The following JAM2 variants were observed in gnomAD, a reference collection of about 807,000 sequenced individuals.
The protein encoded by JAM2 is junctional adhesion molecule B.
In JAM2, 17 loss-of-function variants were observed where a neutral mutation model predicts 42.0. The ratio of observed to expected loss-of-function variants is 0.40; its 90% CI spans 0.28 to 0.61. The LOEUF (loss-of-function observed/expected upper bound fraction) is 0.61, where lower values mean the gene tolerates loss of function less well. Ranked by LOEUF, JAM2 falls within the 20% of genes least tolerant of loss-of-function variation. The pLI, the probability that JAM2 is intolerant of heterozygous loss-of-function variation, is 0.37. For missense variants in JAM2, 319 were observed against 358.3 expected, an observed-to-expected ratio of 0.89 and a Z score of 0.89; for synonymous variants, 118 against 128.6, an observed-to-expected ratio of 0.92 and a Z score of 0.56.
intron 1 of JAM2, among the ~76,000 whole-genome samples, chr21:25,678,895 G>A (rs1003659291): frequency 6.6e-6 from 1 of 152,178 alleles, no homozygotes; most frequent in Admixed American, 6.5e-5. Context: ...AAACGCCTGT[G>A]CTCAAGTGAT....
intron 2 of JAM2, among the ~76,000 whole-genome samples, chr21:25,686,172 T>C (rs2033747731): frequency 6.6e-6 from 1 of 152,222 alleles, no homozygotes. Context: ...TTTTAATGCA[T>C]GTTTTATTTT....
chr21:25,661,508 C>T (rs2033088607), intron 1 of JAM2, among the ~76,000 whole-genome samples: 1 of 151,966 alleles, frequency 6.6e-6, no homozygotes, highest in African/African-American at 2.4e-5. Flanking sequence ...TTCATTGTGT[C>T]TTCTAGTGTA....
At position 25,705,958 on chromosome 21, in the gene JAM2, G is replaced by A. The variant is rs2276220; in HGVS notation, c.698-21G>A. ...CCGTGTAATCCACATATATTTATGC[G>A]TAATTTATTTTACATTCCAGATGAT... On this transcript the variant is annotated intron_variant, in intron 6 of 9. Transcript: ENST00000480456. 148,414 of 1,497,666 alleles carry A rather than the reference G, an allele frequency of 0.099. 8,818 individuals carry two copies. Among genetic ancestry groups the A allele is most frequent in the East Asian group, 0.3 (13,168 of 44,226 alleles). 92.8% of individuals were successfully genotyped at this position (1,497,666 alleles called of 1,614,324 possible).
At chr21:25,660,921 AGTAGCTG>A (rs2033071642) in intron 1 of JAM2, among the ~76,000 whole-genome samples, 1 of 146,274 alleles carries the variant, frequency 6.8e-6, no homozygotes, top group Non-Finnish European at 1.5e-5. Context: ...CAGCCTCCTG[AGTAGCTG>A]GGATTATAGA....
In JAM2 at chr21:25,689,956, A is replaced by G. The variant is rs1254462021; in HGVS notation, c.224A>G (p.Tyr75Cys). Residue 75 changes from tyrosine (Y) to cysteine (C), a missense_variant, in exon 3 of 10, where the codon TAT becomes TGT. Coordinates refer to ENST00000480456, the MANE Select transcript of JAM2 (RefSeq NM_021219.4). ...GGTCGGAGTGTCTCCTTTGTCTACT[A>G]TCAACAGACTCTTCAAGGTAAGCAG... ...KLGRSVSFVY[Y>C]QQTLQGDFKN... The G allele has an allele frequency of 4.4e-6, 7 of 1,606,466 alleles. No individual in the cohort carries two copies. The highest frequency in any genetic ancestry group is 6.0e-6 in the Non-Finnish European group (7 of 1,173,276).
chr21:25,689,919 TG>T lies in JAM2; in HGVS notation c.189del (p.Trp63Ter), dbSNP rs767739498. 6.2e-7 allele frequency: 1 copy of T among 1,613,802 alleles called. No individual in the cohort carries two copies. Among genetic ancestry groups the T allele is most frequent in the Non-Finnish European group, 8.5e-7 (1 of 1,179,814 alleles). On this transcript the variant is annotated frameshift_variant, in exon 3 of 10. Coordinates refer to ENST00000480456, the MANE Select transcript of JAM2 (RefSeq NM_021219.4). LOFTEE classifies it high-confidence loss of function. ...GAAGACTGTTTCCTCCAGATTAGAGTGGAAGAAACTGGGTCGGAGTGTCTCC... is the reference window on the plus strand; with the variant it reads ...GAAGACTGTTTCCTCCAGATTAGAGTGAAGAAACTGGGTCGGAGTGTCTCC... Reference protein sequence around the residue: ...PKKTVSSRLEWKKLGRSVSFV... With the variant: ...PKKTVSSRLEXKKLGRSVSFV...
intron 1 of JAM2, among the ~76,000 whole-genome samples, chr21:25,667,112 G>A (rs952139389): frequency 1.3e-5 from 2 of 152,038 alleles, no homozygotes; most frequent in Non-Finnish European, 2.9e-5. Flanking sequence ...AATTTTACCC[G>A]TGGCCAACCA....
At chr21:25,664,469 T>A (rs780687372) in intron 1 of JAM2, among the ~76,000 whole-genome samples, 4 of 152,140 alleles carry the variant, frequency 2.6e-5, no homozygotes, top group Non-Finnish European at 4.4e-5. Context: ...CTCCTGGCCT[T>A]GTGATCTGCC....
chr21:25,683,816 C>A, intron 1 of JAM2, 67 bp from the exon 2 acceptor site: 1 of 1,122,212 alleles, frequency 8.9e-7, no homozygotes, highest in Non-Finnish European at 1.3e-6. Context: ...ACTATTGCAT[C>A]CCATTCAGAC....
At chr21:25,644,250 T>C (rs1041408602) in intron 1 of JAM2, 2 of 152,254 alleles carry the variant, frequency 1.3e-5, no homozygotes, top group Non-Finnish European at 2.9e-5. Context: ...TACTTTTCTA[T>C]TTCTGTGAAA....
chr21:25,640,213 A>C (rs1183792218), intron 1 of JAM2, among the ~76,000 whole-genome samples: 4 of 152,160 alleles, frequency 2.6e-5, no homozygotes, highest in African/African-American at 9.7e-5. Context: ...CGTGATTCGA[A>C]TGCAAAACTC....
At chr21:25,700,650 G>A (rs768119342) in intron 5 of JAM2, among the ~76,000 whole-genome samples, 46 of 152,198 alleles carry the variant, frequency 3.0e-4, no homozygotes, top group Non-Finnish European at 4.6e-4. Context: ...GTGAGCCACC[G>A]TACCCAGCCA....
intron 1 of JAM2, among the ~76,000 whole-genome samples, chr21:25,644,997 C>CA (rs1327569931): frequency 6.6e-6 from 1 of 152,170 alleles, no homozygotes; most frequent in Non-Finnish European, 1.5e-5. Context: ...TCTCCTGCCT[C>CA]AGCCTCCTGA....
intron 1 of JAM2, among the ~76,000 whole-genome samples, chr21:25,679,121 G>A (rs948231805): frequency 5.9e-5 from 9 of 152,170 alleles, no homozygotes; most frequent in Non-Finnish European, 1.0e-4. Context: ...GCTTTTAAGG[G>A]AAAAAAGAAA....
intron 1 of JAM2, among the ~76,000 whole-genome samples, chr21:25,646,574 A>AAGAG (rs535490881): frequency 1.5e-5 from 2 of 137,570 alleles, no homozygotes; most frequent in African/African-American, 5.0e-5. Context: ...TGTGGGGGGA[A>AAGAG]AGAGAGAGAG....
At chr21:25,661,724 T>C (rs1291291954) in intron 1 of JAM2, among the ~76,000 whole-genome samples, 1 of 152,066 alleles carries the variant, frequency 6.6e-6, no homozygotes, top group African/African-American at 2.4e-5. Flanking sequence ...AATGAGGGTC[T>C]GATAGTGTTA....
intron 2 of JAM2, among the ~76,000 whole-genome samples, chr21:25,688,643 T>G (rs2033809095): frequency 6.6e-6 from 1 of 152,196 alleles, no homozygotes; most frequent in Non-Finnish European, 1.5e-5. Context: ...GAAAACAACT[T>G]TTGGTTCTTT....
At chr21:25,689,457 T>G (rs1026234405) in intron 2 of JAM2, among the ~76,000 whole-genome samples, 1 of 152,194 alleles carries the variant, frequency 6.6e-6, no homozygotes, top group Non-Finnish European at 1.5e-5. Flanking sequence ...TTATCTTAGT[T>G]GCCTCTTCTA....
intron 1 of JAM2, among the ~76,000 whole-genome samples, chr21:25,658,343 G>A (rs978488745): frequency 4.6e-5 from 7 of 152,170 alleles, no homozygotes; most frequent in African/African-American, 1.2e-4. Context: ...ATTTCAGGAA[G>A]CAATAAAATA....
Sources: gnomAD v4.1 joint callset for allele counts (sites outside exome capture counted in the v4.1 genomes callset) on GRCh38, gnomAD v4.1.1 for gene constraint, MANE v1.5 for transcripts, NCBI Gene and HGNC (gene_info 2026-07-23, HGNC 2026-07-21) for gene names.